Variants in ABCC4 observed in about 807,000 individuals in gnomAD.
ABCC4 encodes the protein ATP binding cassette subfamily C member 4 (PEL blood group).
A neutral mutation model predicts 168.5 loss-of-function variants in ABCC4; 102 were observed. The observed-to-expected ratio is 0.61, with a 90% CI of 0.52 to 0.71. The LOEUF (loss-of-function observed/expected upper bound fraction) is 0.71, where lower values mean the gene tolerates loss of function less well. Ranked by LOEUF, ABCC4 falls within the 30% of genes least tolerant of loss-of-function variation. The probability of loss-of-function intolerance (pLI) is 0.00; values close to 1 mark genes in which losing one functional copy is unlikely to be tolerated. For synonymous variants in ABCC4, 617 were observed against 590.7 expected (o/e 1.04, Z -0.65); for missense variants, 1,402 against 1,605.8 (o/e 0.87, Z 2.17).
chr13:95,173,246 T>C (rs2037540451), intron 13 of ABCC4, among the ~76,000 whole-genome samples: 1 of 152,178 alleles, frequency 6.6e-6, no homozygotes, highest in Non-Finnish European at 1.5e-5. Context: ...GGGGAAGCAT[T>C]CCTGGCAGAT....
intron 26 of ABCC4, among the ~76,000 whole-genome samples, chr13:95,060,061 A>G (rs527719152): frequency 6.6e-6 from 1 of 152,332 alleles, no homozygotes; most frequent in East Asian, 1.9e-4. Flanking sequence ...AGTCTGCTGA[A>G]TGATTTCCTG....
chr13:95,185,357 C>T (rs1423582373), intron 11 of ABCC4, among the ~76,000 whole-genome samples: 10 of 152,360 alleles, frequency 6.6e-5, no homozygotes, highest in Non-Finnish European at 1.2e-4. Flanking sequence ...TAGCTCATTA[C>T]TGCTAACTTA....
chr13:95,300,520 C>T (rs778623850), intron 1 of ABCC4, among the ~76,000 whole-genome samples: 1 of 152,124 alleles, frequency 6.6e-6, no homozygotes, highest in Non-Finnish European at 1.5e-5. Flanking sequence ...CCACATGAAA[C>T]TTGCCATAAC....
intron 19 of ABCC4, among the ~76,000 whole-genome samples, chr13:95,139,275 A>G (rs1177427496): frequency 6.6e-6 from 1 of 152,222 alleles, no homozygotes; most frequent in African/African-American, 2.4e-5. Flanking sequence ...GAGAACTGAG[A>G]CCAGTGTTGT....
At chr13:95,247,148 A>T (rs2040128000) in intron 2 of ABCC4, 53 bp from the exon 3 acceptor site, 1 of 1,567,054 alleles carries the variant, frequency 6.4e-7, no homozygotes. Context: ...CACAATATAA[A>T]ACAGGGGAGA....
At chr13:95,155,753 C>A (rs2036833736) in intron 19 of ABCC4, among the ~76,000 whole-genome samples, 1 of 152,194 alleles carries the variant, frequency 6.6e-6, no homozygotes, top group Admixed American at 6.5e-5. Context: ...TCTACCAACA[C>A]CAGCTCTTGG....
rs555327615 is a variant in ABCC4, at chr13:95,149,464, AGAG to A, written c.2455+11722_2455+11724del. 6.2e-4 allele frequency among the ~76,000 whole-genome samples: 94 copies of A among 152,360 alleles called. 1 individual carries two copies. The highest frequency in any genetic ancestry group is 2.2e-3 in the African/African-American group (90 of 41,594). Reference sequence around the variant, plus strand: ...GTCACTACCATTTTATTCTCCAAAAAGAGAAGAAGAATACATTTATAGTTCCCC... The same window carrying A: ...GTCACTACCATTTTATTCTCCAAAAAAAGAAGAATACATTTATAGTTCCCC... On this transcript the variant is annotated intron_variant, in intron 19 of 30. Transcript: ENST00000645237.
chr13:95,126,707 G>C, intron 19 of ABCC4, among the ~76,000 whole-genome samples: 1 of 89,016 alleles, frequency 1.1e-5, no homozygotes, highest in African/African-American at 5.0e-5. Flanking sequence ...AAAAATGCAT[G>C]AACTTTTTTT....
intron 26 of ABCC4, among the ~76,000 whole-genome samples, chr13:95,060,280 AG>A (rs1165166534): frequency 6.6e-6 from 1 of 152,218 alleles, no homozygotes. Context: ...GCTCAAAAGT[AG>A]GGTGGAAACT....
intron 19 of ABCC4, among the ~76,000 whole-genome samples, chr13:95,157,181 T>C (rs1181731514): frequency 1.3e-5 from 2 of 151,808 alleles, no homozygotes; most frequent in African/African-American, 4.8e-5. Context: ...TGTGTGTCCA[T>C]TCTTGCTGGG....
chr13:95,064,529 GT>G (rs1198113533), intron 25 of ABCC4, among the ~76,000 whole-genome samples: 162 of 151,400 alleles, frequency 1.1e-3, no homozygotes, highest in Middle Eastern at 0.01. Context: ...GTGTGTGTGT[GT>G]GTGGGGCTTA....
At chr13:95,112,151 G>C (rs968499642) in intron 20 of ABCC4, among the ~76,000 whole-genome samples, 1 of 152,108 alleles carries the variant, frequency 6.6e-6, no homozygotes, top group Non-Finnish European at 1.5e-5. Context: ...TTAGGAGTTC[G>C]AGACCAGCCT....
intron 25 of ABCC4, among the ~76,000 whole-genome samples, chr13:95,069,596 C>A (rs2033658950): frequency 6.6e-6 from 1 of 152,100 alleles, no homozygotes; most frequent in Non-Finnish European, 1.5e-5. Context: ...AAACTCTGTA[C>A]CCATTAAACA....
In ABCC4 at chr13:95,040,774, T is replaced by C. The variant is rs573975626; in HGVS notation, c.3735+2908A>G. On this transcript the variant is annotated intron_variant, in intron 29 of 30. Coordinates refer to ENST00000645237, the MANE Select transcript of ABCC4 (RefSeq NM_005845.5). The stretch of plus-strand genomic sequence containing the variant: ...CTGCTAGAACGATTTCTAGTTTGTT[T>C]TCTCTGAGGAAACGCTACTAAAAAG... Among the ~76,000 whole-genome samples, 4 of 151,564 alleles carry C rather than the reference T, an allele frequency of 2.6e-5. No individual in the cohort carries two copies. The South Asian group carries it at 8.4e-4, about 32-fold the overall frequency.
chr13:95,202,032 C>T (rs1467340609), intron 8 of ABCC4, among the ~76,000 whole-genome samples: 1 of 152,168 alleles, frequency 6.6e-6, no homozygotes, highest in East Asian at 1.9e-4. Flanking sequence ...GCCACAGTCC[C>T]CAGATATGTG....
At chr13:95,083,492 T>C (rs1052404266) in intron 20 of ABCC4, among the ~76,000 whole-genome samples, 9 of 152,016 alleles carry the variant, frequency 5.9e-5, no homozygotes, top group East Asian at 5.8e-4. Context: ...CCAAACACTA[T>C]GATATAAACT....
intron 29 of ABCC4, among the ~76,000 whole-genome samples, chr13:95,042,586 A>G (rs2032407896): frequency 6.6e-6 from 1 of 152,214 alleles, no homozygotes; most frequent in Non-Finnish European, 1.5e-5. Flanking sequence ...AAGAGAGAAA[A>G]AAATTAAGGT....
intron 1 of ABCC4, among the ~76,000 whole-genome samples, chr13:95,284,354 A>G (rs1161748105): frequency 6.6e-6 from 1 of 151,964 alleles, no homozygotes; most frequent in Non-Finnish European, 1.5e-5. Flanking sequence ...TGACTGGCTA[A>G]TTTTTGTATT....
At chr13:95,130,954 C>A (rs374913991) in intron 19 of ABCC4, among the ~76,000 whole-genome samples, 10 of 152,222 alleles carry the variant, frequency 6.6e-5, no homozygotes, top group African/African-American at 2.2e-4. Flanking sequence ...TCTCCTTCTT[C>A]TTCTTTTTCT....
Sources: allele counts gnomAD v4.1 joint callset (sites outside exome capture counted in the v4.1 genomes callset), GRCh38; gene constraint gnomAD v4.1.1; transcripts MANE v1.5; gene names NCBI Gene and HGNC (gene_info 2026-07-23, HGNC 2026-07-21).